Variants in KIF16B observed in about 807,000 individuals in gnomAD.
KIF16B encodes kinesin-like protein KIF16B.
KIF16B carries 98 observed loss-of-function variants against 156.3 expected under a neutral mutation model. The observed-to-expected ratio is 0.63, with a 90% confidence interval of 0.53 to 0.74. KIF16B has a LOEUF of 0.74. Ranked by LOEUF, KIF16B falls within the 30% of genes least tolerant of loss-of-function variation. The pLI is 0.00. For missense variants in KIF16B, 1,421 were observed against 1,606.5 expected (o/e 0.88, Z 1.97); for synonymous variants, 564 against 583.7 (o/e 0.97, Z 0.49).
chr20:16,292,654 T>C (rs1057382977), intron 25 of KIF16B, among the ~76,000 whole-genome samples: 1 of 152,224 alleles, frequency 6.6e-6, no homozygotes, highest in East Asian at 1.9e-4. Flanking sequence ...GATTCCTGAA[T>C]GTTGATACAA....
intron 19 of KIF16B, among the ~76,000 whole-genome samples, chr20:16,375,226 G>A (rs552184570): frequency 6.6e-6 from 1 of 152,370 alleles, no homozygotes; most frequent in African/African-American, 2.4e-5. Flanking sequence ...GGAGACTGCA[G>A]TCCACTCACT....
intron 1 of KIF16B, among the ~76,000 whole-genome samples, chr20:16,556,688 T>G (rs1416903887): frequency 1.3e-5 from 2 of 152,190 alleles, no homozygotes; most frequent in Non-Finnish European, 2.9e-5. Context: ...CAGACCTCCC[T>G]GCACCCATTG....
At chr20:16,509,118 C>G in intron 6 of KIF16B, among the ~76,000 whole-genome samples, 1 of 152,140 alleles carries the variant, frequency 6.6e-6, no homozygotes, top group Non-Finnish European at 1.5e-5. Context: ...TTGTACCCTG[C>G]TTTTAAATGG....
At chr20:16,455,406 C>T (rs1184937694) in intron 12 of KIF16B, among the ~76,000 whole-genome samples, 1 of 151,820 alleles carries the variant, frequency 6.6e-6, no homozygotes, top group Non-Finnish European at 1.5e-5. Context: ...TAAACATTAT[C>T]CTGCCCTTTC....
chr20:16,338,977 T>A (rs1409883658), intron 23 of KIF16B, among the ~76,000 whole-genome samples: 1 of 152,174 alleles, frequency 6.6e-6, no homozygotes, highest in African/African-American at 2.4e-5. Context: ...TTTCAGGAAT[T>A]TTGTTTTAAT....
At chr20:16,440,337 A>G (rs2066758126) in intron 12 of KIF16B, among the ~76,000 whole-genome samples, 1 of 152,136 alleles carries the variant, frequency 6.6e-6, no homozygotes, top group South Asian at 2.1e-4. Context: ...TGAATACAGG[A>G]ATTTTAATAT....
chr20:16,495,281 C>T (rs2068417689), intron 11 of KIF16B, among the ~76,000 whole-genome samples: 1 of 152,172 alleles, frequency 6.6e-6, no homozygotes, highest in South Asian at 2.1e-4. Flanking sequence ...CAGTAAGTTT[C>T]CCTATTTAAT....
intron 12 of KIF16B, among the ~76,000 whole-genome samples, chr20:16,465,458 G>A (rs113843687): frequency 2.0e-5 from 3 of 152,180 alleles, no homozygotes; most frequent in Non-Finnish European, 4.4e-5. Context: ...CATGTGCAGC[G>A]ATTTCAATGG....
rs1251771897 is a variant in KIF16B, at chr20:16,368,691, A to C, written c.3498+1895T>G. The C allele has an allele frequency of 3.0e-6, 3 of 985,912 alleles. No individual in the cohort carries two copies. The South Asian group carries it at 1.4e-4, about 46-fold the overall frequency. 61.1% of individuals were successfully genotyped at this position (985,912 alleles called of 1,614,324 possible). ...CCAACTCTTCCTCACCTTGCTGCTC[A>C]CTATAAAACTCAGACGCCAGTACGC... On this transcript the variant is annotated intron_variant, in intron 22 of 25. Coordinates refer to ENST00000354981, the MANE Select transcript of KIF16B (RefSeq NM_024704.5).
chr20:16,543,496 T>C (rs936730384), intron 1 of KIF16B, among the ~76,000 whole-genome samples: 2 of 152,210 alleles, frequency 1.3e-5, no homozygotes, highest in Admixed American at 6.5e-5. Context: ...AGTCAACTCA[T>C]TACACATAAC....
At chr20:16,514,984 T>C (rs1342910912) in intron 4 of KIF16B, among the ~76,000 whole-genome samples, 1 of 151,816 alleles carries the variant, frequency 6.6e-6, no homozygotes, top group African/African-American at 2.4e-5. Context: ...ATTCCTAGTT[T>C]TTACTCCTCT....
intron 25 of KIF16B, among the ~76,000 whole-genome samples, chr20:16,309,309 A>G (rs981989487): frequency 1.1e-4 from 17 of 152,278 alleles, no homozygotes; most frequent in Admixed American, 5.2e-4. Flanking sequence ...TCTACTTACT[A>G]TCTTACCATC....
chr20:16,425,645 G>A (rs994678070), intron 15 of KIF16B, among the ~76,000 whole-genome samples: 1 of 152,146 alleles, frequency 6.6e-6, no homozygotes, highest in African/African-American at 2.4e-5. Flanking sequence ...ACTCCCCAGT[G>A]GGGAGGCCTG....
chr20:16,558,824 A>C (rs1328465372), intron 1 of KIF16B, among the ~76,000 whole-genome samples: 1 of 149,566 alleles, frequency 6.7e-6, no homozygotes, highest in Non-Finnish European at 1.5e-5. Flanking sequence ...GAATCGCCTG[A>C]ACCTGAGAGG....
At chr20:16,419,140 AG>A (rs1184789241) in intron 15 of KIF16B, among the ~76,000 whole-genome samples, 1 of 152,144 alleles carries the variant, frequency 6.6e-6, no homozygotes, top group Admixed American at 6.5e-5. Flanking sequence ...ACATACTTTG[AG>A]GACCACTAGC....
chr20:16,279,717 G>A (rs1409424124), intron 25 of KIF16B, among the ~76,000 whole-genome samples: 1 of 151,592 alleles, frequency 6.6e-6, no homozygotes, highest in Non-Finnish European at 1.5e-5. Flanking sequence ...CCACAGCTAG[G>A]CCTGAAGCTG....
chr20:16,423,404 A>T (rs1199197299), intron 15 of KIF16B, among the ~76,000 whole-genome samples: 1 of 152,200 alleles, frequency 6.6e-6, no homozygotes, highest in Non-Finnish European at 1.5e-5. Flanking sequence ...TACAAGAGTG[A>T]CACAATAACT....
At chr20:16,349,049 CACAGCAGGTGGCTGGCTGGGTGTGCCT>C (rs2064286516) in intron 23 of KIF16B, among the ~76,000 whole-genome samples, 1 of 152,206 alleles carries the variant, frequency 6.6e-6, no homozygotes, top group African/African-American at 2.4e-5. Context: ...CAGGACTGCT[CACAGCAGGTGGCTGGCTGGGTGTGCCT>C]GTGCCTGCTT....
intron 15 of KIF16B, among the ~76,000 whole-genome samples, chr20:16,409,986 TATATATGTAGGTAC>T (rs1355539661): frequency 9.6e-5 from 12 of 124,558 alleles, no homozygotes; most frequent in East Asian, 2.7e-4. Flanking sequence ...TATATATATA[TATATATGTAGGTAC>T]ATATATATAT....
Sources: allele counts gnomAD v4.1 joint callset (sites outside exome capture counted in the v4.1 genomes callset), GRCh38; gene constraint gnomAD v4.1.1; transcripts MANE v1.5; gene names NCBI Gene and HGNC (gene_info 2026-07-23, HGNC 2026-07-21).